CEP63: variants seen among roughly 807,000 people sequenced by gnomAD.
CEP63 encodes the protein centrosomal protein 63, also known as centrosomal protein of 63 kDa.
Under a neutral mutation model 89.1 loss-of-function variants are expected in CEP63, and 84 were observed. The observed-to-expected ratio is 0.94, with a 90% CI of 0.79 to 1.13. The LOEUF (loss-of-function observed/expected upper bound fraction) is 1.13. CEP63 is among the 50% of genes most tolerant of loss of function. The probability of loss-of-function intolerance (pLI) is 0.00; values close to 1 mark genes in which losing one functional copy is unlikely to be tolerated. For synonymous variants in CEP63, 267 were observed against 272.5 expected (o/e 0.98, Z 0.20); for missense variants, 838 against 813.3 (o/e 1.03, Z -0.37).
intron 2 of CEP63, among the ~76,000 whole-genome samples, chr3:134,498,460 A>G (rs1458673876): frequency 6.6e-6 from 1 of 151,942 alleles, no homozygotes; most frequent in African/African-American, 2.4e-5. Flanking sequence ...TTTTTGGTGG[A>G]GTCTTTAGGT....
chr3:134,616,069 G>T, the CEP63 span, among the ~76,000 whole-genome samples: 1 of 152,346 alleles, frequency 6.6e-6, no homozygotes, highest in South Asian at 2.1e-4. Context: ...CGACTCAAGA[G>T]CAGCAGTCTG....
the CEP63 span, among the ~76,000 whole-genome samples, chr3:134,661,809 C>T: frequency 6.7e-6 from 1 of 148,912 alleles, no homozygotes; most frequent in African/African-American, 2.5e-5. Context: ...ATATTTGTGC[C>T]CCCCCCCTCA....
the CEP63 span, among the ~76,000 whole-genome samples, chr3:134,673,994 C>A: frequency 6.6e-6 from 1 of 152,344 alleles, no homozygotes; most frequent in East Asian, 1.9e-4. Flanking sequence ...AGGTCCATGT[C>A]TAAACTAATC....
chr3:134,712,429 A>T, the CEP63 span, among the ~76,000 whole-genome samples: 1 of 151,978 alleles, frequency 6.6e-6, no homozygotes, highest in Admixed American at 6.6e-5. Flanking sequence ...ATATTTCTCA[A>T]TTTTATCTTC....
At chr3:134,712,709 CTGGCTGCGTG>C in the CEP63 span, among the ~76,000 whole-genome samples, 1 of 152,204 alleles carries the variant, frequency 6.6e-6, no homozygotes, top group Non-Finnish European at 1.5e-5. Context: ...GCATTTCTCA[CTGGCTGCGTG>C]TGGCTTGGTG....
At chr3:134,719,960 A>G in the CEP63 span, among the ~76,000 whole-genome samples, 12 of 152,184 alleles carry the variant, frequency 7.9e-5, no homozygotes, top group African/African-American at 2.9e-4. Context: ...TTAAGGATAT[A>G]TGTTTTCATT....
intron 2 of CEP63, among the ~76,000 whole-genome samples, chr3:134,500,875 T>G: frequency 6.6e-6 from 1 of 152,226 alleles, no homozygotes; most frequent in South Asian, 2.1e-4. Context: ...TGCATTTGCT[T>G]TTGAGGACAT....
chr3:134,666,558 C>G, the CEP63 span, among the ~76,000 whole-genome samples: 1 of 152,140 alleles, frequency 6.6e-6, no homozygotes, highest in Non-Finnish European at 1.5e-5. Context: ...GGTACTTTCT[C>G]CACAGTTGCT....
the CEP63 span, chr3:134,629,449 G>A: frequency 1.7e-6 from 1 of 577,372 alleles, no homozygotes; most frequent in African/African-American, 1.9e-5. Context: ...GCTGGGTGTA[G>A]AGAAAAGAGT....
chr3:134,758,893 G>C, the CEP63 span, among the ~76,000 whole-genome samples: 1 of 152,222 alleles, frequency 6.6e-6, no homozygotes, highest in African/African-American at 2.4e-5. Flanking sequence ...GGACTCTGCA[G>C]ATGTGATTCA....
At chr3:134,497,161 G>A (rs1209770239) in intron 2 of CEP63, among the ~76,000 whole-genome samples, 1 of 152,064 alleles carries the variant, frequency 6.6e-6, no homozygotes, top group African/African-American at 2.4e-5. Context: ...GTATATTCTG[G>A]ATGTTTAGTC....
the CEP63 span, among the ~76,000 whole-genome samples, chr3:134,689,657 T>A: frequency 1.3e-5 from 2 of 152,058 alleles, no homozygotes; most frequent in African/African-American, 4.8e-5. Context: ...TTTTGCAATG[T>A]TGGTTAGGCT....
chr3:134,672,244 A>T, the CEP63 span, among the ~76,000 whole-genome samples: 15 of 152,344 alleles, frequency 9.8e-5, no homozygotes, highest in Admixed American at 5.9e-4. Flanking sequence ...TAATAATAGT[A>T]GCATCTGCCT....
chr3:134,699,122 G>A, the CEP63 span, among the ~76,000 whole-genome samples: 2 of 152,336 alleles, frequency 1.3e-5, no homozygotes, highest in East Asian at 1.9e-4. Flanking sequence ...AGCAGGAAAT[G>A]TCTCAGGAGA....
chr3:134,689,448 AT>A, the CEP63 span, among the ~76,000 whole-genome samples: 1 of 150,764 alleles, frequency 6.6e-6, no homozygotes, highest in Non-Finnish European at 1.5e-5. Flanking sequence ...CTTATTTATT[AT>A]TATTATTATT....
At position 134,561,923 on chromosome 3, in the gene CEP63, A is replaced by G. The variant is rs1000786257; in HGVS notation, c.*388A>G. 3.8e-6 allele frequency: 4 copies of G among 1,055,132 alleles called. No individual in the cohort carries two copies. Among genetic ancestry groups the G allele is most frequent in the African/African-American group, 3.4e-5 (2 of 58,194 alleles). 65.4% of individuals were successfully genotyped at this position (1,055,132 alleles called of 1,614,324 possible). A position where few individuals can be genotyped will look rare whatever the true frequency, so the allele number is the denominator to read the frequency against. On this transcript the variant is annotated 3_prime_UTR_variant, in exon 15 of 15. Transcript: ENST00000675561. ...TTCTTTAGGGGAAATGTGTAGAAGC[A>G]TGGATTTAGGGGTCAAACATACCTG...
the CEP63 span, chr3:134,651,571 GCTCT>G: frequency 3.0e-6 from 3 of 991,986 alleles, no homozygotes; most frequent in Non-Finnish European, 3.6e-6. Context: ...GAGGTTGACA[GCTCT>G]CTCTCCCTAG....
the CEP63 span, among the ~76,000 whole-genome samples, chr3:134,613,897 T>C: frequency 6.6e-6 from 1 of 152,218 alleles, no homozygotes; most frequent in Non-Finnish European, 1.5e-5. Context: ...CACAACTCTT[T>C]CATGTCATCA....
chr3:134,676,643 G>A, the CEP63 span, among the ~76,000 whole-genome samples: 5 of 152,260 alleles, frequency 3.3e-5, no homozygotes, highest in Middle Eastern at 3.4e-3. Context: ...GTCTGAGAAC[G>A]GGGTCAACAG....
Sources: allele counts gnomAD v4.1 joint callset (sites outside exome capture counted in the v4.1 genomes callset), GRCh38; gene constraint gnomAD v4.1.1; transcripts MANE v1.5; gene names NCBI Gene and HGNC (gene_info 2026-07-23, HGNC 2026-07-21).